Variants in CNTN5 observed in about 807,000 individuals in gnomAD.
CNTN5 encodes the protein contactin 5.
CNTN5 carries 77 observed loss-of-function variants against 129.1 expected under a neutral mutation model. The observed-to-expected ratio is 0.60, with a 90% CI of 0.50 to 0.72. The LOEUF (loss-of-function observed/expected upper bound fraction) is 0.72. Ranked by LOEUF, CNTN5 falls within the 30% of genes least tolerant of loss-of-function variation. The pLI is 0.00. For synonymous variants in CNTN5, 509 were observed against 465.6 expected (o/e 1.09, Z -1.20); for missense variants, 1,478 against 1,328.8 (o/e 1.11, Z -1.75).
chr11:99,333,882 G>A (rs1469564751), intron 2 of CNTN5, among the ~76,000 whole-genome samples: 1 of 151,836 alleles, frequency 6.6e-6, no homozygotes, highest in Non-Finnish European at 1.5e-5. Flanking sequence ...ATGGTGACCT[G>A]CTTGGGTAGA....
chr11:100,063,706 T>TAAAAAAAAAAA (rs35896237), intron 10 of CNTN5, among the ~76,000 whole-genome samples: 9 of 115,262 alleles, frequency 7.8e-5, no homozygotes, highest in East Asian at 2.6e-4. Flanking sequence ...AACCTGTCTC[T>TAAAAAAAAAAA]AAAAAAAAAA....
chr11:99,076,243 G>T (rs1865564216), intron 1 of CNTN5, among the ~76,000 whole-genome samples: 1 of 152,142 alleles, frequency 6.6e-6, no homozygotes, highest in African/African-American at 2.4e-5. Context: ...GCTGAGGCAG[G>T]AGAATCACTT....
intron 3 of CNTN5, among the ~76,000 whole-genome samples, chr11:99,629,019 A>T (rs980749824): frequency 2.0e-5 from 3 of 152,022 alleles, no homozygotes; most frequent in Admixed American, 2.0e-4. Context: ...ACAAACAAAA[A>T]GTCAACTTTT....
Position 99,944,517 on chromosome 11 carries a change from A to G in CNTN5, c.674-12289A>G, listed in dbSNP as rs181647165. 4.3e-4 allele frequency among the ~76,000 whole-genome samples: 66 copies of G among 152,260 alleles called. 1 individual carries two copies. The highest frequency in any genetic ancestry group is 1.5e-3 in the South Asian group (7 of 4,826). On this transcript the variant is annotated intron_variant, in intron 7 of 24. Transcript: ENST00000524871. ...AGTATTGGAAGTTCTGGCCAGGGCA[A>G]TCAGGCAAGAGAAAGAAATAAAGAG... is the stretch of plus-strand genomic sequence containing the variant.
chr11:99,599,699 CTT>C (rs1950254526), intron 3 of CNTN5, among the ~76,000 whole-genome samples: 1 of 152,056 alleles, frequency 6.6e-6, no homozygotes. Context: ...TCCTCAAAAT[CTT>C]TGGGTGGCCA....
At chr11:100,309,218 T>G (rs933625520) in intron 21 of CNTN5, 20 of 984,814 alleles carry the variant, frequency 2.0e-5, no homozygotes, top group Non-Finnish European at 2.4e-5. Context: ...TTTAAAAAAA[T>G]TTATTCTTAC....
At chr11:99,325,652 CTTGA>C (rs943718001) in intron 2 of CNTN5, among the ~76,000 whole-genome samples, 168 bp downstream of exon 2, 30 of 152,020 alleles carry the variant, frequency 2.0e-4, no homozygotes, top group African/African-American at 7.0e-4. Context: ...TTGAAAACAC[CTTGA>C]TTGTGTCAGT....
intron 1 of CNTN5, among the ~76,000 whole-genome samples, chr11:99,221,093 G>C (rs1226691676): frequency 1.3e-5 from 2 of 151,832 alleles, no homozygotes; most frequent in African/African-American, 2.4e-5. Flanking sequence ...TTAAGATCCA[G>C]AGGGTTAAAC....
chr11:100,291,720 G>A (rs913871831), intron 18 of CNTN5, among the ~76,000 whole-genome samples: 62 of 149,128 alleles, frequency 4.2e-4, no homozygotes, highest in African/African-American at 1.5e-3. Context: ...CCTGCACAAT[G>A]TGCACATGTA....
chr11:100,057,837 GCAT>G (rs1390842392), intron 9 of CNTN5, among the ~76,000 whole-genome samples: 1 of 152,026 alleles, frequency 6.6e-6, no homozygotes, highest in East Asian at 1.9e-4. Flanking sequence ...TATGCAAGGA[GCAT>G]CATTATATTA....
chr11:99,701,745 T>A (rs1338240231), intron 3 of CNTN5, among the ~76,000 whole-genome samples: 2 of 151,120 alleles, frequency 1.3e-5, no homozygotes, highest in African/African-American at 4.8e-5. Context: ...AGAAAATAAT[T>A]TTTTAAAACT....
At chr11:99,519,350 T>C (rs1947184504) in intron 2 of CNTN5, among the ~76,000 whole-genome samples, 2 of 152,090 alleles carry the variant, frequency 1.3e-5, no homozygotes, top group Admixed American at 1.3e-4. Context: ...CATGCTGCTA[T>C]CCTTACAGTT....
intron 17 of CNTN5, among the ~76,000 whole-genome samples, chr11:100,269,434 T>C (rs1950367598): frequency 6.6e-6 from 1 of 152,184 alleles, no homozygotes. Context: ...TAAGAGACCT[T>C]AGTTTTGTTT....
rs535320541 is a variant in CNTN5 at position 99,828,490 on chromosome 11, T to A, written c.277+8725T>A. ...ATGGATAATGCAATTGCAACAATAA[T>A]GGCCTAACCACCTCTTAAAGTCCCA... is the stretch of plus-strand genomic sequence containing the variant. On this transcript the variant is annotated intron_variant, in intron 4 of 24. Transcript: ENST00000524871. Among the ~76,000 whole-genome samples the A allele has an allele frequency of 2.0e-5, 3 of 152,300 alleles. No homozygotes were observed. The East Asian group carries it at 5.8e-4, about 29-fold the overall frequency.
At chr11:99,070,706 C>A (rs1000742271) in intron 1 of CNTN5, among the ~76,000 whole-genome samples, 2 of 146,922 alleles carry the variant, frequency 1.4e-5, no homozygotes, top group Non-Finnish European at 3.0e-5. Flanking sequence ...TCAAGGTATA[C>A]CAATGGTTTT....
chr11:99,269,753 TA>T (rs1863087276), intron 1 of CNTN5, among the ~76,000 whole-genome samples: 1 of 149,230 alleles, frequency 6.7e-6, no homozygotes, highest in African/African-American at 2.6e-5. Context: ...TATAATATTA[TA>T]AACTTACTTC....
At chr11:99,973,009 T>C (rs1436983180) in intron 8 of CNTN5, among the ~76,000 whole-genome samples, 1 of 152,066 alleles carries the variant, frequency 6.6e-6, no homozygotes, top group African/African-American at 2.4e-5. Context: ...CATATTTCTT[T>C]ATATTTTGAA....
chr11:100,278,601 A>G (rs908495603), intron 18 of CNTN5, among the ~76,000 whole-genome samples: 2 of 151,950 alleles, frequency 1.3e-5, no homozygotes, highest in East Asian at 1.9e-4. Context: ...TTTCTTTTTC[A>G]GATTGTTCAC....
chr11:99,307,910 C>T (rs1864944389), intron 1 of CNTN5, among the ~76,000 whole-genome samples: 1 of 152,166 alleles, frequency 6.6e-6, no homozygotes, highest in Non-Finnish European at 1.5e-5. Flanking sequence ...ACACCCAAAC[C>T]AGCATAGGCT....
Sources: gnomAD v4.1 joint callset for allele counts (sites outside exome capture counted in the v4.1 genomes callset) on GRCh38, gnomAD v4.1.1 for gene constraint, MANE v1.5 for transcripts, NCBI Gene and HGNC (gene_info 2026-07-23, HGNC 2026-07-21) for gene names.